FAAH: variants seen among roughly 807,000 people sequenced by gnomAD.
FAAH encodes the protein fatty acid amide hydrolase.
A neutral mutation model predicts 69.7 loss-of-function variants in FAAH; 63 were observed. The ratio of observed to expected loss-of-function variants is 0.90; its 90% CI spans 0.74 to 1.12. The LOEUF (loss-of-function observed/expected upper bound fraction) is 1.12. Among genes scored for constraint, FAAH ranks in the 50% most tolerant of loss-of-function variants. FAAH has a pLI of 0.00. For missense variants in FAAH, 680 were observed against 755.0 expected (o/e 0.90, Z 1.16); for synonymous variants, 305 against 324.2 (o/e 0.94, Z 0.64).
At chr1:46,397,033 G>A (rs1236291368) in intron 1 of FAAH, among the ~76,000 whole-genome samples, 2 of 152,188 alleles carry the variant, frequency 1.3e-5, no homozygotes, top group Non-Finnish European at 2.9e-5. Flanking sequence ...GAGGGCCCTG[G>A]TGGTCAACCC....
Position 46,413,796 on chromosome 1 carries a change from C to T in FAAH, c.*221C>T. 1.6e-6 allele frequency: 1 copy of T among 613,758 alleles called. No individual in the cohort carries two copies. The highest frequency in any genetic ancestry group is 2.9e-6 in the Non-Finnish European group (1 of 347,370). The allele number at this position is 613,758 out of a possible 1,614,324, so 38.0% of individuals were successfully genotyped here. A position where few individuals can be genotyped will look rare whatever the true frequency, so the allele number is the denominator to read the frequency against. ...TCCTGATCCCTCCACCCCCATGTGG[C>T]AGCCCATGGGTATGACATAGGCCAA... On this transcript the variant is annotated 3_prime_UTR_variant, in exon 15 of 15. Coordinates refer to ENST00000243167, the MANE Select transcript of FAAH (RefSeq NM_001441.3).
At chr1:46,412,288 C>A in intron 13 of FAAH, 37 bp downstream of exon 13, 1 of 1,506,962 alleles carries the variant, frequency 6.6e-7, no homozygotes, top group Non-Finnish European at 9.0e-7. Context: ...TTCTGTGAAT[C>A]TGGCCATGTG....
chr1:46,410,531 C>CT lies in FAAH; in HGVS notation c.1275+35dup. 3 of 1,586,580 alleles carry CT rather than the reference C, an allele frequency of 1.9e-6. No individual in the cohort carries two copies. The highest frequency in any genetic ancestry group is 2.6e-6 in the Non-Finnish European group (3 of 1,155,836). ...ACAAGGAGTGGAGGGGCTAGGATGG[C>CT]TGGGGGGGAACCTAGGGCCTCCTAT... is the stretch of plus-strand genomic sequence containing the variant. On this transcript the variant is annotated intron_variant, in intron 10 of 14. Transcript: ENST00000243167. The surrounding 1 kb of genome is among the most constrained non-coding windows in gnomAD (Gnocchi z 4.9).
chr1:46,403,737 T>G (rs942489437), intron 2 of FAAH, among the ~76,000 whole-genome samples: 1 of 152,268 alleles, frequency 6.6e-6, no homozygotes, highest in African/African-American at 2.4e-5. Context: ...ATTCGCCACC[T>G]GAGGTAGGGT....
chr1:46,412,170 T>C lies in FAAH; in HGVS notation c.1384T>C (p.Trp462Arg). The change falls in exon 13 of 15, where the codon TGG becomes CGG. Residue 462 changes from tryptophan (W) to arginine (R), a missense_variant. Trp to Arg is a moderately radical substitution (Grantham distance 101). Coordinates refer to ENST00000243167, the MANE Select transcript of FAAH (RefSeq NM_001441.3). ...GTACCGCAAAACCGTGATTGCCCAG[T>C]GGAGGGCGCTGGACCTGGATGTGGT... ...EVYRKTVIAQ[W>R]RALDLDVVLT... The C allele has an allele frequency of 6.4e-7, 1 of 1,562,822 alleles. No individual in the cohort carries two copies. The highest frequency in any genetic ancestry group is 8.7e-7 in the Non-Finnish European group (1 of 1,153,320).
chr1:46,411,962 C>G lies in FAAH; in HGVS notation c.1357-181C>G, dbSNP rs903638529. On this transcript the variant is annotated intron_variant, in intron 12 of 14. Coordinates refer to ENST00000243167, the MANE Select transcript of FAAH (RefSeq NM_001441.3). The surrounding 1 kb of genome is among the most constrained non-coding windows in gnomAD (Gnocchi z 4.8). ...TCCACAATTCATTCTGGAGGCAGAACGACTGATGCCCTCTGAGAGGCAGCA... is the reference window on the plus strand; with the variant it reads ...TCCACAATTCATTCTGGAGGCAGAAGGACTGATGCCCTCTGAGAGGCAGCA... 6.6e-6 allele frequency among the ~76,000 whole-genome samples: 1 copy of G among 152,254 alleles called. No homozygotes were observed. Among genetic ancestry groups the G allele is most frequent in the Non-Finnish European group, 1.5e-5 (1 of 68,038 alleles).
intron 13 of FAAH, 81 bp from the exon 14 acceptor site, chr1:46,412,994 T>G: frequency 1.3e-6 from 2 of 1,554,460 alleles, no homozygotes; most frequent in Non-Finnish European, 1.8e-6. Context: ...AGGGTGCCAT[T>G]TCATATGAGG....
At chr1:46,394,888 G>A (rs1054150331) in intron 1 of FAAH, among the ~76,000 whole-genome samples, 4 of 152,218 alleles carry the variant, frequency 2.6e-5, no homozygotes, top group Admixed American at 6.5e-5. Flanking sequence ...CTTTGGAATC[G>A]CAGAGTGTAA....
Position 46,406,332 on chromosome 1 carries a change from G to C in FAAH, c.915G>C (p.Leu305Phe), listed in dbSNP as rs1465327907. 6.2e-7 allele frequency: 1 copy of C among 1,613,822 alleles called. No individual in the cohort carries two copies. Among genetic ancestry groups the C allele is most frequent in the Admixed American group, 1.7e-5 (1 of 60,008 alleles). ...TGCTGTGTGAGGACATGTTCCGCTTGGACCCCACTGTGCCTCCCTTGCCCT... is the reference window on the plus strand; with the variant it reads ...TGCTGTGTGAGGACATGTTCCGCTTCGACCCCACTGTGCCTCCCTTGCCCT... ...RALLCEDMFR[L>F]DPTVPPLPFR... The change falls in exon 7 of 15, where the codon TTG (leucine) becomes TTC (phenylalanine). Residue 305 changes from leucine to phenylalanine, a missense_variant. Coordinates refer to ENST00000243167, the MANE Select transcript of FAAH (RefSeq NM_001441.3).
chr1:46,400,771 G>C (rs570431514), intron 1 of FAAH, among the ~76,000 whole-genome samples: 2 of 117,024 alleles, frequency 1.7e-5, no homozygotes, highest in East Asian at 2.4e-4. Flanking sequence ...TGAGTGGAGA[G>C]CCTGGAGTCA....
intron 1 of FAAH, among the ~76,000 whole-genome samples, chr1:46,401,387 C>T (rs1344169959): frequency 3.9e-5 from 6 of 152,126 alleles, no homozygotes; most frequent in Non-Finnish European, 7.4e-5. Flanking sequence ...CGGCTTCATT[C>T]TTGAAGTCAG....
chr1:46,410,727 A>C lies in FAAH; in HGVS notation c.1276-87A>C. 4 of 1,529,968 alleles carry C rather than the reference A, an allele frequency of 2.6e-6. No homozygotes were observed. Among genetic ancestry groups the C allele is most frequent in the Non-Finnish European group, 3.6e-6 (4 of 1,103,550 alleles). The allele number at this position is 1,529,968 out of a possible 1,614,324, so 94.8% of individuals were successfully genotyped here. On this transcript the variant is annotated intron_variant, in intron 10 of 14. Coordinates refer to ENST00000243167, the MANE Select transcript of FAAH (RefSeq NM_001441.3). The surrounding 1 kb of genome is among the most constrained non-coding windows in gnomAD (Gnocchi z 4.9). ...GGGCCCTGGGGGGAGGCATGGAGGG[A>C]GGGGTCCCCAGTGGCTTGGCCTGAA...
At position 46,405,717 on chromosome 1, in the gene FAAH, T is replaced by C; in HGVS notation, c.708T>C (p.Thr236=). The C allele has an allele frequency of 6.2e-7, 1 of 1,613,542 alleles. No homozygotes were observed. The highest frequency in any genetic ancestry group is 8.5e-7 in the Non-Finnish European group (1 of 1,180,022). ...GAGGCTCCCCCCTGGGCTTAGGCAC[T>C]GATATCGGAGGCAGCATCCGCTTCC... The part of the protein sequence containing the change: ...GSGGSPLGLG[T]DIGGSIRFPS... Residue 236 remains threonine (T), a synonymous_variant, in exon 5 of 15, where the codon ACT becomes ACC. Transcript: ENST00000243167. This position sits in a 1 kb window ranked among gnomAD's most constrained non-coding sequence, Gnocchi z 4.1.
intron 2 of FAAH, among the ~76,000 whole-genome samples, chr1:46,403,125 T>G (rs1386691340): frequency 6.7e-6 from 1 of 149,636 alleles, no homozygotes; most frequent in Non-Finnish European, 1.5e-5. Flanking sequence ...TGAGCCACCA[T>G]GCCCGACCCC....
At chr1:46,408,677 C>T (rs892926411) in intron 8 of FAAH, 93 bp downstream of exon 8, 6 of 1,586,668 alleles carry the variant, frequency 3.8e-6, no homozygotes, top group Admixed American at 3.3e-5. Flanking sequence ...GGCATCCTGG[C>T]ACTCTGACGA....
At chr1:46,413,301 C>A in intron 14 of FAAH, 81 bp downstream of exon 14, 1 of 1,611,042 alleles carries the variant, frequency 6.2e-7, no homozygotes, top group Non-Finnish European at 8.5e-7. Context: ...ACCAGCACTG[C>A]GGGTTTGCCA....
chr1:46,413,723 G>A lies in FAAH; in HGVS notation c.*148G>A, dbSNP rs1569828321. On this transcript the variant is annotated 3_prime_UTR_variant, in exon 15 of 15. Transcript: ENST00000243167. ...CCCCCAACCCCCTGCAAGAAGCGCC[G>A]ACTCCCTGAGTCTGGACCTCCATCC... The A allele has an allele frequency of 6.1e-6, 7 of 1,140,578 alleles. No individual in the cohort carries two copies. Among genetic ancestry groups the A allele is most frequent in the Non-Finnish European group, 5.1e-6 (4 of 789,514 alleles). The allele number at this position is 1,140,578 out of a possible 1,614,324, so 70.7% of individuals were successfully genotyped here.
intron 8 of FAAH, 72 bp downstream of exon 8, chr1:46,408,656 A>G: frequency 1.1e-5 from 18 of 1,607,258 alleles, no homozygotes; most frequent in East Asian, 2.2e-5. Flanking sequence ...ACCCATGGCT[A>G]CTCCATCCCT....
At chr1:46,403,382 C>T (rs1453846545) in intron 2 of FAAH, among the ~76,000 whole-genome samples, 3 of 152,202 alleles carry the variant, frequency 2.0e-5, no homozygotes, top group Non-Finnish European at 4.4e-5. Context: ...CAGGCGTGAG[C>T]CACCGCGCCT....
Sources: allele counts gnomAD v4.1 joint callset (sites outside exome capture counted in the v4.1 genomes callset), GRCh38; gene constraint gnomAD v4.1.1; non-coding constraint Gnocchi (gnomAD v3.1); transcripts MANE v1.5; gene names NCBI Gene and HGNC (gene_info 2026-07-23, HGNC 2026-07-21).